Variants in TTC39A observed in about 807,000 individuals in gnomAD.
The protein encoded by TTC39A is tetratricopeptide repeat domain 39A.
In TTC39A, 46 loss-of-function variants were observed where a neutral mutation model predicts 82.3. The observed-to-expected ratio is 0.56, with a 90% CI of 0.44 to 0.71. The LOEUF is 0.71. Among genes scored for constraint, TTC39A ranks in the 30% least tolerant of loss-of-function variants. The pLI is 0.00. For synonymous variants in TTC39A, 254 were observed against 275.2 expected (o/e 0.92, Z 0.76); for missense variants, 543 against 712.9 (o/e 0.76, Z 2.71).
chr1:51,291,442 G>A, intron 14 of TTC39A, among the ~76,000 whole-genome samples: 1 of 151,328 alleles, frequency 6.6e-6, no homozygotes, highest in East Asian at 1.9e-4. Context: ...AGTGAGCCGA[G>A]ATGGCACCAC....
upstream of TTC39A, chr1:51,331,319 G>A (rs773906962): frequency 1.3e-6 from 2 of 1,533,748 alleles, no homozygotes; most frequent in Non-Finnish European, 8.8e-7. Flanking sequence ...CTGAGGCGGT[G>A]TCTCCACCTG....
At chr1:51,340,608 G>A (rs75521195) in intron 1 of TTC39A, among the ~76,000 whole-genome samples, 1 of 152,162 alleles carries the variant, frequency 6.6e-6, no homozygotes, top group East Asian at 1.9e-4. Context: ...AGGGAACAGT[G>A]ATTGGTTGAA....
Position 51,288,811 on chromosome 1 carries a change from G to C in TTC39A, c.1610+28C>G. ...CTGAGCTGAGTTCAGAGGGAGCAAA[G>C]GACAGACTGAGGTTACCCAAGCCTT... is the stretch of plus-strand genomic sequence containing the variant. On this transcript the variant is annotated intron_variant, in intron 17 of 17. Transcript: ENST00000680483. This position sits in a 1 kb window ranked among gnomAD's most constrained non-coding sequence, Gnocchi z 4.8. The C allele has an allele frequency of 1.3e-6, 2 of 1,568,666 alleles. No homozygotes were observed. Among genetic ancestry groups the C allele is most frequent in the Non-Finnish European group, 1.7e-6 (2 of 1,154,900 alleles).
rs777440196 is a variant in TTC39A at position 51,296,104 on chromosome 1, C to G, written c.1120G>C (p.Gly374Arg). 1.9e-6 allele frequency: 3 copies of G among 1,596,944 alleles called. No individual in the cohort carries two copies. The highest frequency in any genetic ancestry group is 2.6e-6 in the Non-Finnish European group (3 of 1,171,780). The change falls in exon 13 of 18, where the codon GGG (glycine) becomes CGG (arginine). Residue 374 changes from glycine (G) to arginine (R), a missense_variant. Coordinates refer to ENST00000680483, the MANE Select transcript of TTC39A (RefSeq NM_001297663.2). The stretch of plus-strand genomic sequence containing the variant: ...CGAAATAATTCCACTTCGTCGTCCC[C>G]GAACGGCTTGTGGTCCTCCTTCCCA... The part of the protein sequence containing the change: ...MFGKEDHKPF[G>R]DDEVELFRAV...
intron 1 of TTC39A, among the ~76,000 whole-genome samples, chr1:51,324,363 C>T (rs909079335): frequency 6.6e-6 from 1 of 152,144 alleles, no homozygotes; most frequent in African/African-American, 2.4e-5. Flanking sequence ...TGTTGAGTGG[C>T]CGTTGAAACT....
At chr1:51,301,878 G>T in intron 11 of TTC39A, 145 bp from the exon 12 acceptor site, 1 of 1,161,904 alleles carries the variant, frequency 8.6e-7, no homozygotes. Flanking sequence ...TGGGGCCCCA[G>T]GAGCCAGGAG....
At chr1:51,333,738 A>G (rs1263449123), upstream of TTC39A, among the ~76,000 whole-genome samples, 1 of 152,190 alleles carries the variant, frequency 6.6e-6, no homozygotes, top group South Asian at 2.1e-4. Context: ...GGTGGGGAGC[A>G]GAGAGTGAGG....
intron 9 of TTC39A, among the ~76,000 whole-genome samples, chr1:51,302,785 C>T (rs1211608797): frequency 6.6e-6 from 1 of 152,210 alleles, no homozygotes. Context: ...CAGGAGCCTG[C>T]ATCCACCAAG....
Position 51,309,447 on chromosome 1 carries a change from G to A in TTC39A, c.424-122C>T, listed in dbSNP as rs370742621. ...TGAGGAACCCTGGGGGGATGAGGTC[G>A]GAGGTCAGCCAAACCAGGCCTCCCT... On this transcript the variant is annotated intron_variant, in intron 5 of 17. Coordinates refer to ENST00000680483, the MANE Select transcript of TTC39A (RefSeq NM_001297663.2). 3.0e-5 allele frequency: 46 copies of A among 1,544,388 alleles called. No individual in the cohort carries two copies. The African/African-American group carries it at 3.4e-4, about 12-fold the overall frequency.
chr1:51,312,961 C>T lies in TTC39A; in HGVS notation c.147-18G>A, dbSNP rs759066562. On this transcript the variant is annotated intron_variant, in intron 2 of 17. Transcript: ENST00000680483. ...CCTTGGTTCTGCCAAAGAGAAGAGACGTTGAGAGCACCACCTTATAGAGCC... is the reference window on the plus strand; with the variant it reads ...CCTTGGTTCTGCCAAAGAGAAGAGATGTTGAGAGCACCACCTTATAGAGCC... 7.3e-5 allele frequency: 117 copies of T among 1,611,138 alleles called. No homozygotes were observed. The highest frequency in any genetic ancestry group is 8.7e-5 in the Non-Finnish European group (103 of 1,178,196).
At chr1:51,305,682 T>C (rs1223674751) in intron 7 of TTC39A, 2 of 459,004 alleles carry the variant, frequency 4.4e-6, no homozygotes, top group Non-Finnish European at 7.9e-6. Context: ...CCCTGATTTA[T>C]TGTGTGTGCC....
chr1:51,315,085 A>G (rs1211613375), intron 2 of TTC39A, among the ~76,000 whole-genome samples: 1 of 151,670 alleles, frequency 6.6e-6, no homozygotes, highest in Non-Finnish European at 1.5e-5. Flanking sequence ...CTCCCACTGC[A>G]GGTCTGAGGC....
At position 51,287,979 on chromosome 1, in the gene TTC39A, G is replaced by A. The variant is rs551465672; in HGVS notation, c.*178C>T. ...GCTCTGCCCTTGGCAAAGGCCCTTG[G>A]CTACACTGGTGAAAATGCCAGCTCG... On this transcript the variant is annotated 3_prime_UTR_variant, in exon 18 of 18. Coordinates refer to ENST00000680483, the MANE Select transcript of TTC39A (RefSeq NM_001297663.2). The A allele has an allele frequency of 2.4e-5, 25 of 1,038,412 alleles. No individual in the cohort carries two copies. The South Asian group carries it at 3.9e-4, about 16-fold the overall frequency. The allele number at this position is 1,038,412 out of a possible 1,614,324, so 64.3% of individuals were successfully genotyped here. A position where few individuals can be genotyped will look rare whatever the true frequency, so the allele number is the denominator to read the frequency against.
chr1:51,330,173 G>A lies in TTC39A; in HGVS notation c.41+264C>T. 1.0e-6 allele frequency: 1 copy of A among 985,652 alleles called. No homozygotes were observed. Among genetic ancestry groups the A allele is most frequent in the Non-Finnish European group, 1.2e-6 (1 of 830,128 alleles). 61.1% of individuals were successfully genotyped at this position (985,652 alleles called of 1,614,324 possible). A position where few individuals can be genotyped will look rare whatever the true frequency, so the allele number is the denominator to read the frequency against. ...AGGTGGGGAAGGCTGCTCTGAACGT[G>A]TCTGTGACTACAGCTCCGTGAGAAA... On this transcript the variant is annotated intron_variant, in intron 1 of 17. Coordinates refer to ENST00000680483, the MANE Select transcript of TTC39A (RefSeq NM_001297663.2). The surrounding 1 kb of genome is among the most constrained non-coding windows in gnomAD (Gnocchi z 4.5).
At chr1:51,309,232 C>CCAGG (rs1466089457) in intron 6 of TTC39A, 29 bp downstream of exon 6, 2 of 1,586,290 alleles carry the variant, frequency 1.3e-6, no homozygotes, top group African/African-American at 2.7e-5. Context: ...CCAGGGTCTC[C>CCAGG]CCACAAGCGG....
chr1:51,309,534 T>C (rs1462312808), intron 5 of TTC39A: 3 of 1,242,752 alleles, frequency 2.4e-6, no homozygotes, highest in Non-Finnish European at 3.2e-6. Context: ...CAGGTACACA[T>C]ACTCTGTGCT....
At position 51,309,189 on chromosome 1, in the gene TTC39A, G is replaced by A. The variant is rs572366752; in HGVS notation, c.488+72C>T. ...AGTACTCTTCTTCTCCCACAAAGCC[G>A]CCTGAGGGGGACAGCCTAGCAGATG... On this transcript the variant is annotated intron_variant, in intron 6 of 17. Transcript: ENST00000680483. 130 of 1,514,246 alleles carry A rather than the reference G, an allele frequency of 8.6e-5. No homozygotes were observed. In the African/African-American group the frequency reaches 1.7e-3, roughly 20 times the overall value. 93.8% of individuals were successfully genotyped at this position (1,514,246 alleles called of 1,614,324 possible).
Position 51,305,958 on chromosome 1 carries a change from A to G in TTC39A, c.588+19T>C, listed in dbSNP as rs371677310. The G allele has an allele frequency of 6.2e-7, 1 of 1,611,784 alleles. No homozygotes were observed. Among genetic ancestry groups the G allele is most frequent in the Non-Finnish European group, 8.5e-7 (1 of 1,178,010 alleles). On this transcript the variant is annotated intron_variant, in intron 7 of 17. Coordinates refer to ENST00000680483, the MANE Select transcript of TTC39A (RefSeq NM_001297663.2). ...TGAGCTCAAGCCAGGTGCTGTGGAA[A>G]TGGAGGAGGAGCACTCACCAGGTTG...
chr1:51,306,855 C>A (rs372857215), intron 6 of TTC39A, among the ~76,000 whole-genome samples: 459 of 6,594 alleles, frequency 0.07, 6 homozygotes, highest in Non-Finnish European at 0.14. Flanking sequence ...AGGGACAGAC[C>A]CCCCCCCCCC....
Sources: allele counts gnomAD v4.1 joint callset (sites outside exome capture counted in the v4.1 genomes callset), GRCh38; gene constraint gnomAD v4.1.1; non-coding constraint Gnocchi (gnomAD v3.1); transcripts MANE v1.5; gene names NCBI Gene and HGNC (gene_info 2026-07-23, HGNC 2026-07-21).